VSIG4: variants seen among roughly 807,000 people sequenced by gnomAD.
VSIG4 encodes V-set and immunoglobulin domain-containing protein 4.
A neutral mutation model predicts 23.4 loss-of-function variants in VSIG4; 34 were observed. The observed-to-expected ratio is 1.45, with a 90% CI of 1.10 to 1.93. The LOEUF (loss-of-function observed/expected upper bound fraction) is 1.93. VSIG4 is among the 30% of genes most tolerant of loss of function. The pLI, the probability that VSIG4 is intolerant of heterozygous loss-of-function variation, is 0.00. For synonymous variants in VSIG4, 169 were observed against 120.3 expected, an observed-to-expected ratio of 1.41 and a Z score of -2.65; for missense variants, 433 against 310.8, an observed-to-expected ratio of 1.39 and a Z score of -2.96.
At chrX:66,039,865 C>G in intron 1 of VSIG4, 79 bp downstream of exon 1, 1 of 1,129,064 alleles carries the variant, frequency 8.9e-7, no homozygotes, top group South Asian at 1.9e-5. Context: ...ATAGGCTTTC[C>G]ATAGTAGACA....
At position 66,022,229 on chromosome X, in the gene VSIG4, T is replaced by C; in HGVS notation, c.*34A>G. ...CAGAAGGCAAGGACTGACTAGGCAA[T>C]TATGTCAGCAGATCCTGGCCTAATG... On this transcript the variant is annotated 3_prime_UTR_variant, in exon 8 of 8. Transcript: ENST00000374737. The C allele has an allele frequency of 8.3e-7, 1 of 1,211,755 alleles. No individual in the cohort carries two copies. Among genetic ancestry groups the C allele is most frequent in the African/African-American group, 1.7e-5 (1 of 57,868 alleles).
chrX:66,036,859 A>ATATT (rs2085567341), intron 1 of VSIG4, among the ~76,000 whole-genome samples: 1 of 35,890 alleles, frequency 2.8e-5, no homozygotes, highest in African/African-American at 1.4e-4. Flanking sequence ...TTATATATAT[A>ATATT]ATAATATATT....
Position 66,033,478 on chromosome X carries a change from C to A in VSIG4, c.408G>T (p.Gln136His). ...CCTACCCCCATAGTGACTCACGTTT[C>A]TGGACACGGAGCTCAGTAATCTTAT... ...VRDKITELRVQKLSVSKPTVT... is the reference protein window; with the variant it reads ...VRDKITELRVHKLSVSKPTVT... Residue 136 changes from glutamine to histidine, a missense_variant, in exon 2 of 8, where the codon CAG becomes CAT. Physicochemically the swap from Gln to His is conservative, Grantham distance 24. Coordinates refer to ENST00000374737, the MANE Select transcript of VSIG4 (RefSeq NM_007268.3). The A allele has an allele frequency of 8.3e-7, 1 of 1,200,516 alleles. No individual in the cohort carries two copies. The highest frequency in any genetic ancestry group is 1.7e-5 in the African/African-American group (1 of 57,623).
chrX:66,029,808 C>T (rs1459113813), intron 3 of VSIG4, among the ~76,000 whole-genome samples: 5 of 110,481 alleles, frequency 4.5e-5, no homozygotes, highest in East Asian at 2.8e-4. Flanking sequence ...GTAAAAGGTA[C>T]GATCAGTTTT....
intron 1 of VSIG4, among the ~76,000 whole-genome samples, chrX:66,037,533 TCA>T (rs1491173146): frequency 6.2e-5 from 1 of 16,255 alleles, no homozygotes; most frequent in Non-Finnish European, 1.0e-4. Context: ...TATAATATAT[TCA>T]TAATATATTA....
intron 1 of VSIG4, 28 bp from the exon 2 acceptor site, chrX:66,033,858 C>A: frequency 8.8e-7 from 1 of 1,137,675 alleles, no homozygotes; most frequent in Non-Finnish European, 1.2e-6. Flanking sequence ...AGGAAAGAAG[C>A]AAACGTAGAT....
At chrX:66,036,001 G>T (rs1157430762) in intron 1 of VSIG4, among the ~76,000 whole-genome samples, 3 of 111,980 alleles carry the variant, frequency 2.7e-5, no homozygotes, top group Non-Finnish European at 5.6e-5. Context: ...AAAATTGCTA[G>T]ATAGTCTCAA....
At chrX:66,037,908 A>G (rs1052093696) in intron 1 of VSIG4, among the ~76,000 whole-genome samples, 1 of 107,658 alleles carries the variant, frequency 9.3e-6, no homozygotes, top group Admixed American at 1.0e-4. Flanking sequence ...GGTTGAATTT[A>G]CTAGGTGTGT....
chrX:66,036,948 T>C (rs1488463592), intron 1 of VSIG4, among the ~76,000 whole-genome samples: 1 of 36,243 alleles, frequency 2.8e-5, no homozygotes, highest in Non-Finnish European at 3.9e-5. Context: ...TTATATGATA[T>C]ATTATATTAT....
intron 1 of VSIG4, among the ~76,000 whole-genome samples, chrX:66,038,160 T>C (rs2085640760): frequency 8.9e-6 from 1 of 111,769 alleles, no homozygotes; most frequent in African/African-American, 3.3e-5. Flanking sequence ...TTGATTATCT[T>C]GACATATCTC....
chrX:66,032,875 G>C (rs1434248540), intron 2 of VSIG4, 126 bp from the exon 3 acceptor site: 26 of 723,100 alleles, frequency 3.6e-5, no homozygotes, highest in Non-Finnish European at 5.1e-5. Flanking sequence ...GGGGGCTTCT[G>C]ACTTTGGAGG....
Position 66,037,646 on chromosome X carries a change from A to G in VSIG4, c.55+2298T>C, listed in dbSNP as rs1357904663. On this transcript the variant is annotated intron_variant, in intron 1 of 7. Transcript: ENST00000374737. ...CTTATATATAATATATAATAATTAT[A>G]TAATTATTACTGATAATTACTTATA... Among the ~76,000 whole-genome samples, 15 of 84,480 alleles carry G rather than the reference A, an allele frequency of 1.8e-4. No individual in the cohort carries two copies. In the Admixed American group the frequency reaches 2.5e-3, roughly 14 times the overall value. The allele number at this position is 84,480 out of a possible 115,157, so 73.4% of individuals were successfully genotyped here.
At chrX:66,026,085 C>A (rs2085387064) in intron 5 of VSIG4, among the ~76,000 whole-genome samples, 1 of 111,937 alleles carries the variant, frequency 8.9e-6, no homozygotes, top group African/African-American at 3.2e-5. Flanking sequence ...TGTCACTAGG[C>A]CTTAGTTACC....
chrX:66,039,678 T>C (rs1370262350), intron 1 of VSIG4, among the ~76,000 whole-genome samples: 1 of 111,943 alleles, frequency 8.9e-6, no homozygotes, highest in Non-Finnish European at 1.9e-5. Flanking sequence ...TTGATGCCCC[T>C]GAGATACAAG....
At chrX:66,028,007 A>G in intron 4 of VSIG4, 43 bp downstream of exon 4, 2 of 1,153,503 alleles carry the variant, frequency 1.7e-6, no homozygotes, top group South Asian at 1.8e-5. Flanking sequence ...CGATGACACC[A>G]TTTTGAACCT....
intron 3 of VSIG4, among the ~76,000 whole-genome samples, chrX:66,030,061 G>A (rs773792429): frequency 1.3e-4 from 15 of 111,803 alleles, no homozygotes; most frequent in African/African-American, 4.2e-4. Context: ...AGCCAACAAA[G>A]GTGTCTCAGA....
rs2085476512 is a variant in VSIG4, at chrX:66,032,570, A to G, written c.592T>C (p.Phe198Leu). 2.5e-6 allele frequency: 3 copies of G among 1,211,712 alleles called. No homozygotes were observed. The highest frequency in any genetic ancestry group is 3.4e-6 in the Non-Finnish European group (3 of 895,435). Residue 198 changes from phenylalanine to leucine, a missense_variant, in exon 3 of 8, where the codon TTC (phenylalanine) becomes CTC (leucine). Physicochemically the swap from Phe to Leu is conservative, Grantham distance 22. Coordinates refer to ENST00000374737, the MANE Select transcript of VSIG4 (RefSeq NM_007268.3). ...GAGTCGGCTATCACCGCAGGCTTGA[A>G]GAGTAAGGTACTTAGGGTTGCTACT... ...IKVATLSTLL[F>L]KPAVIADSGS...
Position 66,033,628 on chromosome X carries a change from C to A in VSIG4, c.258G>T (p.Leu86=). Residue 86 remains leucine, a synonymous_variant, in exon 2 of 8, where the codon CTG becomes CTT. Coordinates refer to ENST00000374737, the MANE Select transcript of VSIG4 (RefSeq NM_007268.3). ...CTCCTGGAACCTTGTGGCTCACATG[C>A]AGGCGGCCCTGGTACTTTGCCTGCT... ...HIQQAKYQGR[L]HVSHKVPGDV... is the part of the protein sequence containing the mutation. 2 of 1,211,440 alleles carry A rather than the reference C, an allele frequency of 1.7e-6. No homozygotes were observed. The highest frequency in any genetic ancestry group is 1.1e-6 in the Non-Finnish European group (1 of 895,400).
intron 3 of VSIG4, among the ~76,000 whole-genome samples, chrX:66,030,286 G>C (rs991748659): frequency 1.4e-4 from 16 of 111,612 alleles, no homozygotes; most frequent in African/African-American, 4.9e-4. Context: ...TGAATGAATT[G>C]AGAGGTTCAG....
Sources: gnomAD v4.1 joint callset for allele counts (sites outside exome capture counted in the v4.1 genomes callset) on GRCh38, gnomAD v4.1.1 for gene constraint, MANE v1.5 for transcripts, NCBI Gene and HGNC (gene_info 2026-07-23, HGNC 2026-07-21) for gene names.